ANKRD30A: variants seen among roughly 807,000 people sequenced by gnomAD.
ANKRD30A encodes ankyrin repeat domain-containing protein 30A.
Under a neutral mutation model 166.3 loss-of-function variants are expected in ANKRD30A, and 170 were observed. The observed-to-expected ratio is 1.02, with a 90% CI of 0.90 to 1.16. The LOEUF is 1.16. ANKRD30A is among the 50% of genes most tolerant of loss of function. ANKRD30A has a pLI of 0.00. For synonymous variants in ANKRD30A, 564 were observed against 508.9 expected (o/e 1.11, Z -1.46); for missense variants, 1,630 against 1,518.0 (o/e 1.07, Z -1.23).
chr10:37,151,857 T>G (rs1001648040), intron 11 of ANKRD30A, among the ~76,000 whole-genome samples: 3 of 152,120 alleles, frequency 2.0e-5, no homozygotes, highest in East Asian at 1.9e-4. Context: ...TGCATTGTAA[T>G]GAAATAATGT....
At position 37,191,053 on chromosome 10, in the gene ANKRD30A, G is replaced by T. The variant is rs188870971; in HGVS notation, c.2512+1496G>T. Among the ~76,000 whole-genome samples the T allele has an allele frequency of 4.4e-4, 66 of 151,652 alleles. 3 individuals carry two copies. The highest frequency in any genetic ancestry group is 3.5e-4 in the Non-Finnish European group (24 of 67,978). The stretch of plus-strand genomic sequence containing the variant: ...TTGAATACCTAAATTGTTGTTATTC[G>T]TAGGTATTTTACTGATTTTAACATA... On this transcript the variant is annotated intron_variant, in intron 25 of 35. Coordinates refer to ENST00000361713, the MANE Select transcript of ANKRD30A (RefSeq NM_052997.3).
At chr10:37,261,090 C>A in the ANKRD30A span, among the ~76,000 whole-genome samples, 1 of 152,070 alleles carries the variant, frequency 6.6e-6, no homozygotes, top group African/African-American at 2.4e-5. Flanking sequence ...CTCTGTCATA[C>A]AAAGATACTG....
intron 27 of ANKRD30A, among the ~76,000 whole-genome samples, chr10:37,194,464 C>T (rs1840891278): frequency 6.6e-6 from 1 of 151,990 alleles, no homozygotes; most frequent in African/African-American, 2.4e-5. Flanking sequence ...CCTCAGCCTC[C>T]CGAGTAGCTG....
chr10:37,178,790 A>G (rs1197738091), intron 24 of ANKRD30A, among the ~76,000 whole-genome samples: 1 of 150,702 alleles, frequency 6.6e-6, no homozygotes, highest in African/African-American at 2.4e-5. Flanking sequence ...TAAAGCAGAG[A>G]GATTGTGAGG....
chr10:37,203,163 C>A (rs2132699300), intron 31 of ANKRD30A, among the ~76,000 whole-genome samples: 1 of 152,196 alleles, frequency 6.6e-6, no homozygotes, highest in East Asian at 1.9e-4. Context: ...GATACCAAAG[C>A]CTGGCAGAGA....
At chr10:37,160,354 T>G (rs1212798641) in intron 15 of ANKRD30A, among the ~76,000 whole-genome samples, 1 of 152,176 alleles carries the variant, frequency 6.6e-6, no homozygotes, top group Non-Finnish European at 1.5e-5. Context: ...AATTATGACA[T>G]TGTGACATGT....
At chr10:37,222,078 A>T (rs982232145) in intron 34 of ANKRD30A, among the ~76,000 whole-genome samples, 8 of 151,438 alleles carry the variant, frequency 5.3e-5, no homozygotes, top group Non-Finnish European at 1.2e-4. Flanking sequence ...TTGGATGTTT[A>T]AAAAGGAACT....
At chr10:37,263,583 C>G in the ANKRD30A span, among the ~76,000 whole-genome samples, 9 of 151,900 alleles carry the variant, frequency 5.9e-5, no homozygotes, top group African/African-American at 2.2e-4. Context: ...CCTTCGCATG[C>G]GCAGTTCTCA....
At position 37,126,079 on chromosome 10, in the gene ANKRD30A, C is replaced by T. The variant is rs1323466081; in HGVS notation, c.221+71C>T. 14 of 1,471,970 alleles carry T rather than the reference C, an allele frequency of 9.5e-6. No homozygotes were observed. The Admixed American group carries it at 1.2e-4, about 13-fold the overall frequency. 91.2% of individuals were successfully genotyped at this position (1,471,970 alleles called of 1,614,324 possible). On this transcript the variant is annotated intron_variant, in intron 1 of 35. Transcript: ENST00000361713. ...GGTGGGAGGATCGCCCCTTCAGAGT[C>T]GGGGGCTGGGGGGCCTGGGGAAGAA...
intron 6 of ANKRD30A, among the ~76,000 whole-genome samples, chr10:37,138,983 C>G (rs557600519): frequency 2.0e-5 from 3 of 152,110 alleles, no homozygotes; most frequent in Non-Finnish European, 2.9e-5. Flanking sequence ...AGAGAAAGGT[C>G]GGGTTACCCA....
At chr10:37,260,998 A>ATG in the ANKRD30A span, among the ~76,000 whole-genome samples, 89,763 of 151,728 alleles carry the variant, frequency 0.59, 27,178 homozygotes, top group East Asian at 0.85. Context: ...ACATTCCACA[A>ATG]TATCTTTTTA....
chr10:37,140,590 T>G (rs750666363), intron 6 of ANKRD30A, among the ~76,000 whole-genome samples: 2 of 152,192 alleles, frequency 1.3e-5, no homozygotes, highest in Non-Finnish European at 2.9e-5. Flanking sequence ...AAACAAGATA[T>G]GTTGTTCTAT....
intron 31 of ANKRD30A, among the ~76,000 whole-genome samples, 177 bp from the exon 32 acceptor site, chr10:37,216,004 A>G (rs1412234261): frequency 6.6e-6 from 1 of 151,180 alleles, no homozygotes; most frequent in Non-Finnish European, 1.5e-5. Flanking sequence ...ATTTTAAGCT[A>G]AACAAGAGGA....
the ANKRD30A span, among the ~76,000 whole-genome samples, chr10:37,254,222 G>A: frequency 6.6e-6 from 1 of 152,120 alleles, no homozygotes; most frequent in African/African-American, 2.4e-5. Context: ...CATTTCTCTT[G>A]TGTATGTACC....
chr10:37,260,118 T>C, the ANKRD30A span, among the ~76,000 whole-genome samples: 1 of 135,814 alleles, frequency 7.4e-6, no homozygotes, highest in Non-Finnish European at 1.6e-5. Context: ...GTTTGAAATT[T>C]TCCATTATAA....
At chr10:37,146,496 C>G (rs1294367866) in intron 8 of ANKRD30A, among the ~76,000 whole-genome samples, 1 of 152,098 alleles carries the variant, frequency 6.6e-6, no homozygotes, top group Non-Finnish European at 1.5e-5. Flanking sequence ...GAGTCTGTCC[C>G]TTGCAGACCC....
At chr10:37,211,899 T>C (rs1263961153) in intron 31 of ANKRD30A, among the ~76,000 whole-genome samples, 1 of 152,118 alleles carries the variant, frequency 6.6e-6, no homozygotes. Flanking sequence ...GATGAGCATT[T>C]TTTCATGTGT....
the ANKRD30A span, among the ~76,000 whole-genome samples, chr10:37,253,260 C>T: frequency 6.6e-6 from 1 of 152,128 alleles, no homozygotes; most frequent in Non-Finnish European, 1.5e-5. Flanking sequence ...TCTGTGCTGT[C>T]CAATACAATA....
chr10:37,263,658 G>A, the ANKRD30A span, among the ~76,000 whole-genome samples: 1 of 152,086 alleles, frequency 6.6e-6, no homozygotes, highest in Non-Finnish European at 1.5e-5. Context: ...AGAGCTTCAG[G>A]TGGGAATGCC....
Sources: allele counts gnomAD v4.1 joint callset (sites outside exome capture counted in the v4.1 genomes callset), GRCh38; gene constraint gnomAD v4.1.1; transcripts MANE v1.5; gene names NCBI Gene and HGNC (gene_info 2026-07-23, HGNC 2026-07-21).